Variants in BAZ1A observed in about 807,000 individuals in gnomAD.
The protein encoded by BAZ1A is bromodomain adjacent to zinc finger domain 1A.
A neutral mutation model predicts 185.2 loss-of-function variants in BAZ1A; 50 were observed. That is an observed-to-expected ratio of 0.27 (90% CI 0.22 to 0.34). BAZ1A has a LOEUF of 0.34. Among genes scored for constraint, BAZ1A ranks in the 10% least tolerant of loss-of-function variants. The pLI is 1.00. For synonymous variants in BAZ1A, 571 were observed against 615.6 expected (o/e 0.93, Z 1.07); for missense variants, 1,356 against 1,839.9 (o/e 0.74, Z 4.81).
At chr14:34,830,732 T>A (rs996681307) in intron 3 of BAZ1A, among the ~76,000 whole-genome samples, 1 of 151,608 alleles carries the variant, frequency 6.6e-6, no homozygotes, top group African/African-American at 2.4e-5. Context: ...AGAGAGAGCA[T>A]TGCTGGAATT....
At chr14:34,863,111 C>T (rs2042797518) in intron 2 of BAZ1A, among the ~76,000 whole-genome samples, 1 of 147,572 alleles carries the variant, frequency 6.8e-6, no homozygotes, top group Non-Finnish European at 1.5e-5. Flanking sequence ...GCCTCAGCTT[C>T]CCGAGCAGCT....
intron 18 of BAZ1A, among the ~76,000 whole-genome samples, chr14:34,774,767 C>A (rs1474713254): frequency 6.6e-6 from 1 of 151,410 alleles, no homozygotes; most frequent in Non-Finnish European, 1.5e-5. Context: ...CAGAGCGAGA[C>A]CCTGTCTCTA....
At chr14:34,799,495 A>C (rs2138651488) in intron 9 of BAZ1A, among the ~76,000 whole-genome samples, 1 of 152,306 alleles carries the variant, frequency 6.6e-6, no homozygotes, top group South Asian at 2.1e-4. Flanking sequence ...AAAATGGCTG[A>C]CTTTGGAGGA....
intron 2 of BAZ1A, among the ~76,000 whole-genome samples, chr14:34,865,122 C>G (rs35265117): frequency 0.019 from 2,861 of 152,054 alleles, 36 homozygotes; most frequent in South Asian, 0.038. Flanking sequence ...GTAGCATGAG[C>G]CTGTAATTCG....
chr14:34,848,852 T>G (rs2042555533), intron 3 of BAZ1A, among the ~76,000 whole-genome samples: 1 of 152,182 alleles, frequency 6.6e-6, no homozygotes, highest in Admixed American at 6.6e-5. Flanking sequence ...AAAGGTCTGT[T>G]AGTCAAAGCT....
At chr14:34,759,704 T>C (rs1886442857) in intron 24 of BAZ1A, among the ~76,000 whole-genome samples, 1 of 152,132 alleles carries the variant, frequency 6.6e-6, no homozygotes, top group Non-Finnish European at 1.5e-5. Context: ...AGACAGAGTC[T>C]TGCTTTGTCA....
In BAZ1A at chr14:34,802,904, G is replaced by A. The variant is rs1881643505; in HGVS notation, c.811C>T (p.Pro271Ser). Reference sequence around the variant, plus strand: ...GGTCTCCCTCTTCGTCTGTTAGCAGGACTGAAGATAAATGTGGGTGGATCA... The same window carrying A: ...GGTCTCCCTCTTCGTCTGTTAGCAGAACTGAAGATAAATGTGGGTGGATCA... ...PDDPPTFIFS[P>S]ANRRRGRPPK... The change falls in exon 7 of 27, where the codon CCT becomes TCT. Residue 271 changes from proline (P) to serine (S), a missense_variant. Pro to Ser is a moderately conservative substitution (Grantham distance 74). Coordinates refer to ENST00000360310, the MANE Select transcript of BAZ1A (RefSeq NM_013448.3). 1 of 1,613,252 alleles carries A rather than the reference G, an allele frequency of 6.2e-7. No individual in the cohort carries two copies. Among genetic ancestry groups the A allele is most frequent in the Non-Finnish European group, 8.5e-7 (1 of 1,179,240 alleles).
intron 12 of BAZ1A, among the ~76,000 whole-genome samples, chr14:34,788,260 C>T (rs905732843): frequency 6.6e-6 from 1 of 152,054 alleles, no homozygotes; most frequent in Non-Finnish European, 1.5e-5. Flanking sequence ...CCTCGGCCTC[C>T]CATATTGCTT....
At chr14:34,867,056 G>A (rs1296740095) in intron 2 of BAZ1A, among the ~76,000 whole-genome samples, 1 of 151,532 alleles carries the variant, frequency 6.6e-6, no homozygotes, top group Non-Finnish European at 1.5e-5. Flanking sequence ...TCAGGAGATC[G>A]AGCACATGCT....
Position 34,835,221 on chromosome 14 carries a change from C to G in BAZ1A, c.393-9065G>C, listed in dbSNP as rs897987403. ...GGATTACAGGCACGCGCCACCATGC[C>G]CAGCTAATTTTTGTATTTTTAGTAG... On this transcript the variant is annotated intron_variant, in intron 3 of 26. Transcript: ENST00000360310. Among the ~76,000 whole-genome samples the G allele has an allele frequency of 1.8e-4, 27 of 151,850 alleles. 1 individual carries two copies. The highest frequency in any genetic ancestry group is 4.0e-4 in the Non-Finnish European group (27 of 68,010).
intron 4 of BAZ1A, among the ~76,000 whole-genome samples, chr14:34,811,736 A>C (rs984585405): frequency 1.3e-5 from 2 of 152,210 alleles, no homozygotes; most frequent in African/African-American, 4.8e-5. Context: ...TATTTTAGCT[A>C]CTCATTCACT....
At chr14:34,844,205 CAAAAAAAA>C (rs71121227) in intron 3 of BAZ1A, among the ~76,000 whole-genome samples, 18 of 109,818 alleles carry the variant, frequency 1.6e-4, no homozygotes, top group African/African-American at 6.0e-4. Context: ...GACTCCGTCT[CAAAAAAAA>C]AAAAAAAAAA....
chr14:34,865,930 G>A (rs1405234295), intron 2 of BAZ1A, among the ~76,000 whole-genome samples: 4 of 152,180 alleles, frequency 2.6e-5, no homozygotes, highest in African/African-American at 4.8e-5. Flanking sequence ...GCTCATGCCT[G>A]TAATCCCAGC....
intron 12 of BAZ1A, 133 bp downstream of exon 12, chr14:34,792,642 G>T: frequency 9.6e-7 from 1 of 1,041,582 alleles, no homozygotes; most frequent in Non-Finnish European, 1.4e-6. Flanking sequence ...GTTAGCATAT[G>T]ATTCAACATC....
rs533159094 is a variant in BAZ1A at position 34,855,830 on chromosome 14, G to A, written c.392+6214C>T. On this transcript the variant is annotated intron_variant, in intron 3 of 26. Coordinates refer to ENST00000360310, the MANE Select transcript of BAZ1A (RefSeq NM_013448.3). ...AGGTGGGAGGATCACCCAAGCCCAG[G>A]AGGTCAAGGCTGCAGTGAGCCGTGA... Among the ~76,000 whole-genome samples the A allele has an allele frequency of 6.6e-5, 10 of 152,224 alleles. No individual in the cohort carries two copies. The South Asian group carries it at 2.1e-3, about 32-fold the overall frequency.
At chr14:34,873,887 C>T (rs2138853280) in intron 2 of BAZ1A, among the ~76,000 whole-genome samples, 1 of 152,310 alleles carries the variant, frequency 6.6e-6, no homozygotes, top group African/African-American at 2.4e-5. Flanking sequence ...CGTCCCGCGC[C>T]CTCCACCCCT....
At chr14:34,848,488 A>G (rs983040055) in intron 3 of BAZ1A, among the ~76,000 whole-genome samples, 1 of 152,176 alleles carries the variant, frequency 6.6e-6, no homozygotes, top group African/African-American at 2.4e-5. Flanking sequence ...CTGTAATCCC[A>G]GCTACTCAGG....
In BAZ1A at chr14:34,783,147, T is replaced by C; in HGVS notation, c.2083A>G (p.Arg695Gly). ...KQEKLKEDEQ[R>G]NSTADISIGE... ...ATAGATATATCTGCCGTTGAATTTC[T>C]TTGCTCATCTTCTTTCAGTTTTTCT... is the stretch of plus-strand genomic sequence containing the variant. Residue 695 changes from arginine (R) to glycine (G), a missense_variant, in exon 16 of 27, where the codon AGA becomes GGA. Arg to Gly is a moderately radical substitution (Grantham distance 125, BLOSUM62 -2). This residue lies in a region of BAZ1A where 434 missense variants were observed against 561.7 expected (regional missense o/e 0.77). Transcript: ENST00000360310. The C allele has an allele frequency of 6.2e-7, 1 of 1,608,418 alleles. No individual in the cohort carries two copies. Among genetic ancestry groups the C allele is most frequent in the Non-Finnish European group, 8.5e-7 (1 of 1,176,082 alleles).
intron 3 of BAZ1A, among the ~76,000 whole-genome samples, chr14:34,837,924 T>C (rs1190773829): frequency 1.3e-5 from 2 of 152,216 alleles, no homozygotes; most frequent in Non-Finnish European, 2.9e-5. Context: ...AAGTGATCTT[T>C]TGTTTCAACA....
Sources: gnomAD v4.1 joint callset for allele counts (sites outside exome capture counted in the v4.1 genomes callset) on GRCh38, gnomAD v4.1.1 for gene constraint, gnomAD v4.1.1 regional missense constraint, MANE v1.5 for transcripts, NCBI Gene and HGNC (gene_info 2026-07-23, HGNC 2026-07-21) for gene names.